SLC30A5: variants seen among roughly 807,000 people sequenced by gnomAD.
The protein encoded by SLC30A5 is solute carrier family 30 member 5.
A neutral mutation model predicts 79.6 loss-of-function variants in SLC30A5; 33 were observed. That is an observed-to-expected ratio of 0.41 (90% CI 0.31 to 0.55). SLC30A5 has a LOEUF of 0.55. SLC30A5 is among the 20% of genes least tolerant of loss of function. SLC30A5 has a pLI of 0.20. For missense variants in SLC30A5, 788 were observed against 928.1 expected (o/e 0.85, Z 1.96); for synonymous variants, 299 against 319.7 (o/e 0.94, Z 0.69).
At chr5:69,100,786 G>A in intron 1 of SLC30A5, 21 bp from the exon 2 acceptor site, 1 of 1,572,300 alleles carries the variant, frequency 6.4e-7, no homozygotes, top group Non-Finnish European at 8.7e-7. Context: ...ACTAAAAATT[G>A]TTTCTGCTTT....
In SLC30A5 at chr5:69,117,404, C is replaced by T. The variant is rs1254994213; in HGVS notation, c.1439+8C>T. 2 of 1,613,124 alleles carry T rather than the reference C, an allele frequency of 1.2e-6. No individual in the cohort carries two copies. Among genetic ancestry groups the T allele is most frequent in the South Asian group, 2.2e-5 (2 of 90,976 alleles). On this transcript the variant is annotated splice_region_variant and intron_variant, in intron 11 of 15. Transcript: ENST00000396591. ...TCGGATTTTCTCCTATGGGTAGGTACATTGACTGTCGAGGTGGTATATCTT... is the reference window on the plus strand; with the variant it reads ...TCGGATTTTCTCCTATGGGTAGGTATATTGACTGTCGAGGTGGTATATCTT...
intron 5 of SLC30A5, among the ~76,000 whole-genome samples, chr5:69,110,616 G>A (rs1200670022): frequency 1.3e-5 from 2 of 151,502 alleles, no homozygotes; most frequent in African/African-American, 4.8e-5. Flanking sequence ...AATAAAATAC[G>A]TAGATGGAGA....
intron 7 of SLC30A5, 135 bp downstream of exon 7, chr5:69,114,631 C>T: frequency 1.6e-6 from 1 of 635,690 alleles, no homozygotes; most frequent in Non-Finnish European, 2.8e-6. Context: ...CTTTGGGGGC[C>T]AAGGCAGGTG....
In SLC30A5 at chr5:69,094,292, C is replaced by G; in HGVS notation, c.37C>G (p.Pro13Ala). The change falls in exon 1 of 16, where the codon CCC (proline) becomes GCC (alanine). Residue 13 changes from proline to alanine, a missense_variant. This residue lies in a region of SLC30A5 where 626 missense variants were observed against 755.5 expected (regional missense o/e 0.83). Transcript: ENST00000396591. ...ATACGGCGGGGACGTGCTGGCCGGC[C>G]CCGGCGGCGGCGGCGGCCTTGGGCC... ...EKYGGDVLAG[P>A]GGGGGLGPVD... 2.4e-6 allele frequency: 3 copies of G among 1,261,772 alleles called. No individual in the cohort carries two copies. Among genetic ancestry groups the G allele is most frequent in the Non-Finnish European group, 3.0e-6 (3 of 997,452 alleles). The allele number at this position is 1,261,772 out of a possible 1,614,324, so 78.2% of individuals were successfully genotyped here. A position where few individuals can be genotyped will look rare whatever the true frequency, so the allele number is the denominator to read the frequency against.
chr5:69,115,460 C>A, intron 8 of SLC30A5, 53 bp downstream of exon 8: 3 of 1,422,692 alleles, frequency 2.1e-6, no homozygotes, highest in South Asian at 2.7e-5. Flanking sequence ...AAATGAATTG[C>A]TATTAAATTT....
intron 1 of SLC30A5, among the ~76,000 whole-genome samples, chr5:69,094,732 C>A (rs964045988): frequency 6.6e-6 from 1 of 152,074 alleles, no homozygotes; most frequent in Non-Finnish European, 1.5e-5. Context: ...TCACCATCAG[C>A]TCTCTTCAGG....
In SLC30A5 at chr5:69,116,517, T is replaced by C; in HGVS notation, c.1196T>C (p.Ile399Thr). The change falls in exon 10 of 16, where the codon ATC becomes ACC. Residue 399 changes from isoleucine to threonine, a missense_variant. Ile to Thr is a moderately conservative substitution (Grantham distance 89, BLOSUM62 -1). This residue lies in a region of SLC30A5 where 626 missense variants were observed against 755.5 expected (regional missense o/e 0.83). Transcript: ENST00000396591. The surrounding 1 kb of genome is among the most constrained non-coding windows in gnomAD (Gnocchi z 4.0). Reference protein sequence around the residue: ...GDAFQHSSQSIPRFIKESLKQ... With the variant: ...GDAFQHSSQSTPRFIKESLKQ... ...GCTTTTCAGCATAGCTCTCAATCGA[T>C]CCCTAGGTTTATTAAGGAATCACTA... 6.2e-7 allele frequency: 1 copy of C among 1,612,266 alleles called. No individual in the cohort carries two copies. The highest frequency in any genetic ancestry group is 1.1e-5 in the South Asian group (1 of 90,660).
intron 4 of SLC30A5, among the ~76,000 whole-genome samples, chr5:69,108,129 A>G (rs1746136549): frequency 6.6e-6 from 1 of 152,228 alleles, no homozygotes; most frequent in Non-Finnish European, 1.5e-5. Flanking sequence ...AGAAATCTGT[A>G]TGACATAATT....
At chr5:69,118,325 G>GTGTGTA (rs60416809) in intron 11 of SLC30A5, 174 bp from the exon 12 acceptor site, 3 of 188,324 alleles carry the variant, frequency 1.6e-5, no homozygotes, top group African/African-American at 8.3e-5. Context: ...ATATATATAT[G>GTGTGTA]TATATATATA....
At chr5:69,119,394 T>C (rs1425124167) in intron 12 of SLC30A5, among the ~76,000 whole-genome samples, 1 of 152,216 alleles carries the variant, frequency 6.6e-6, no homozygotes, top group Non-Finnish European at 1.5e-5. Context: ...CTTTTCTCAG[T>C]ATTCTCATTA....
At chr5:69,098,558 C>T (rs1048064102) in intron 1 of SLC30A5, among the ~76,000 whole-genome samples, 2 of 152,190 alleles carry the variant, frequency 1.3e-5, no homozygotes, top group Admixed American at 1.3e-4. Context: ...AGTAGCTCAA[C>T]AGTTCTCTGG....
chr5:69,104,803 T>C, intron 4 of SLC30A5, 87 bp downstream of exon 4: 1 of 1,352,592 alleles, frequency 7.4e-7, no homozygotes, highest in Admixed American at 2.0e-5. Flanking sequence ...ACGTCAAATA[T>C]TTATCTGTAC....
At chr5:69,104,481 A>C in intron 3 of SLC30A5, 150 bp from the exon 4 acceptor site, 1 of 1,385,688 alleles carries the variant, frequency 7.2e-7, no homozygotes. Context: ...GACTTAGTCA[A>C]GGGATCTTAT....
At position 69,116,901 on chromosome 5, in the gene SLC30A5, C is replaced by T. The variant is rs150646261; in HGVS notation, c.1281+299C>T. 1.1e-3 allele frequency among the ~76,000 whole-genome samples: 175 copies of T among 152,288 alleles called. No individual in the cohort carries two copies. The highest frequency in any genetic ancestry group is 9.3e-4 in the Non-Finnish European group (63 of 68,034). ...AGTAGCATTTAAAGAGTTCTAATAA[C>T]TTACAGGATCTCACTATTAGCAATC... On this transcript the variant is annotated intron_variant, in intron 10 of 15. Coordinates refer to ENST00000396591, the MANE Select transcript of SLC30A5 (RefSeq NM_022902.5). The surrounding 1 kb of genome is among the most constrained non-coding windows in gnomAD (Gnocchi z 4.0).
intron 6 of SLC30A5, 142 bp from the exon 7 acceptor site, chr5:69,114,278 C>A: frequency 2.1e-6 from 1 of 467,390 alleles, no homozygotes; most frequent in Non-Finnish European, 3.8e-6. Flanking sequence ...TTAAGTGAAA[C>A]ATGTTATTGA....
chr5:69,099,902 CTG>C (rs1745860252), intron 1 of SLC30A5, among the ~76,000 whole-genome samples: 1 of 152,184 alleles, frequency 6.6e-6, no homozygotes, highest in Non-Finnish European at 1.5e-5. Flanking sequence ...TTAAAGTAAA[CTG>C]TATCTATACA....
chr5:69,125,870 C>CA lies in SLC30A5; in HGVS notation c.1999-2108dup, dbSNP rs532994254. 7.3e-3 allele frequency among the ~76,000 whole-genome samples: 395 copies of CA among 54,118 alleles called. 13 individuals are homozygous for CA. Among genetic ancestry groups the CA allele is most frequent in the South Asian group, 0.016 (24 of 1,464 alleles). 35.5% of individuals were successfully genotyped at this position (54,118 alleles called of 152,430 possible). On this transcript the variant is annotated intron_variant, in intron 14 of 15. Coordinates refer to ENST00000396591, the MANE Select transcript of SLC30A5 (RefSeq NM_022902.5). Reference sequence around the variant, plus strand: ...CGGGCCACAGAGCGAGACTCCGTCTCAAAAAAAAAAAAAAAAAAAAAAAAA... The same window carrying CA: ...CGGGCCACAGAGCGAGACTCCGTCTCAAAAAAAAAAAAAAAAAAAAAAAAAA...
chr5:69,097,139 G>A (rs1435407145), intron 1 of SLC30A5, among the ~76,000 whole-genome samples: 14 of 120,778 alleles, frequency 1.2e-4, no homozygotes, highest in East Asian at 6.9e-4. Flanking sequence ...TTTTTGAGGC[G>A]GAGTCTCGCT....
chr5:69,116,057 A>G lies in SLC30A5; in HGVS notation c.915A>G (p.Gly305=). 6.2e-7 allele frequency: 1 copy of G among 1,614,054 alleles called. No homozygotes were observed. The highest frequency in any genetic ancestry group is 8.5e-7 in the Non-Finnish European group (1 of 1,180,016). Residue 305 remains glycine, a synonymous_variant, in exon 9 of 16, where the codon GGA becomes GGG. Transcript: ENST00000396591. This position sits in a 1 kb window ranked among gnomAD's most constrained non-coding sequence, Gnocchi z 4.0. The part of the protein sequence containing the change: ...KMEVSKCARY[G]SFPIFISALL... ...AAGTTTCCAAATGTGCTCGTTATGG[A>G]TCCTTTCCCATTTTTATTAGTGCTC...
Sources: gnomAD v4.1 joint callset for allele counts (sites outside exome capture counted in the v4.1 genomes callset) on GRCh38, gnomAD v4.1.1 for gene constraint, gnomAD v4.1.1 regional missense constraint, Gnocchi (gnomAD v3.1) non-coding constraint, MANE v1.5 for transcripts, NCBI Gene and HGNC (gene_info 2026-07-23, HGNC 2026-07-21) for gene names.